Variants in ACBD6 observed in about 807,000 individuals in gnomAD.
ACBD6 encodes acyl-CoA-binding domain-containing protein 6.
In ACBD6, 28 loss-of-function variants were observed where a neutral mutation model predicts 37.2. The ratio of observed to expected loss-of-function variants is 0.75; its 90% confidence interval spans 0.56 to 1.03. The LOEUF (loss-of-function observed/expected upper bound fraction) is 1.03. ACBD6 is among the 50% of genes least tolerant of loss of function. ACBD6 has a pLI of 0.00. For synonymous variants in ACBD6, 113 were observed against 126.8 expected (o/e 0.89, Z 0.73); for missense variants, 340 against 337.4 (o/e 1.01, Z -0.06).
intron 3 of ACBD6, chr1:180,438,299 G>T (rs752405068): frequency 1.3e-5 from 2 of 152,842 alleles, no homozygotes; most frequent in African/African-American, 4.8e-5. Context: ...GGGGACTGCT[G>T]TGTTAGAGAA....
chr1:180,452,071 C>G (rs1044557567), intron 3 of ACBD6, among the ~76,000 whole-genome samples: 1 of 152,120 alleles, frequency 6.6e-6, no homozygotes, highest in African/African-American at 2.4e-5. Context: ...AAAGACACAA[C>G]GTACCAAAAT....
chr1:180,405,083 T>C (rs1647556287), intron 5 of ACBD6, among the ~76,000 whole-genome samples: 1 of 152,204 alleles, frequency 6.6e-6, no homozygotes. Context: ...CAAAATAATA[T>C]ATACCCTGAT....
At chr1:180,295,603 G>T (rs1275376518) in intron 7 of ACBD6, among the ~76,000 whole-genome samples, 1 of 151,114 alleles carries the variant, frequency 6.6e-6, no homozygotes, top group East Asian at 1.9e-4. Flanking sequence ...TGTTCATTTT[G>T]TGTCTCTGTG....
intron 1 of ACBD6, among the ~76,000 whole-genome samples, chr1:180,498,751 G>A (rs1006860560): frequency 1.3e-5 from 2 of 152,046 alleles, no homozygotes; most frequent in South Asian, 2.1e-4. Flanking sequence ...ACAGCTACTC[G>A]GGAAGCTGAG....
At chr1:180,312,581 T>C (rs1253613870) in intron 7 of ACBD6, among the ~76,000 whole-genome samples, 1 of 152,166 alleles carries the variant, frequency 6.6e-6, no homozygotes, top group Non-Finnish European at 1.5e-5. Context: ...AATACAGTAT[T>C]GAAGAGACAC....
At chr1:180,297,573 T>C (rs1448804677) in intron 7 of ACBD6, among the ~76,000 whole-genome samples, 2 of 152,154 alleles carry the variant, frequency 1.3e-5, no homozygotes, top group South Asian at 4.1e-4. Context: ...GCTGAGATCA[T>C]AGTTTTGGGT....
chr1:180,436,184 T>C (rs911396220), intron 3 of ACBD6, among the ~76,000 whole-genome samples: 4 of 152,174 alleles, frequency 2.6e-5, no homozygotes, highest in African/African-American at 9.7e-5. Context: ...CTTTGAGATA[T>C]CAGGTTTCTT....
intron 6 of ACBD6, among the ~76,000 whole-genome samples, chr1:180,329,857 G>A (rs1651410970): frequency 6.6e-6 from 1 of 152,120 alleles, no homozygotes; most frequent in Non-Finnish European, 1.5e-5. Flanking sequence ...CAAGTTAGAA[G>A]TAACTCTTTT....
intron 6 of ACBD6, among the ~76,000 whole-genome samples, chr1:180,354,287 G>C (rs745345345): frequency 7.9e-5 from 12 of 152,162 alleles, no homozygotes; most frequent in African/African-American, 2.7e-4. Context: ...ACAGCTCAGA[G>C]ATTTAACCCT....
In ACBD6 at chr1:180,502,159, G is replaced by C; in HGVS notation, c.108C>G (p.Ile36Met). Residue 36 changes from isoleucine (I) to methionine (M), a missense_variant, in exon 1 of 8, where the codon ATC becomes ATG. By Grantham distance (10) the Ile-to-Met change is conservative (BLOSUM62 1). Transcript: ENST00000367595. ...GCTCGGCCAGGCAACTGGTCTCCTC[G>C]ATCTCAGGGCTATGGGGGAACTCCA... Reference protein sequence around the residue: ...GEVEFPHSPEIEETSCLAELF... With the variant: ...GEVEFPHSPEMEETSCLAELF... The C allele has an allele frequency of 6.2e-7, 1 of 1,614,056 alleles. No homozygotes were observed. The highest frequency in any genetic ancestry group is 8.5e-7 in the Non-Finnish European group (1 of 1,180,012).
At chr1:180,463,423 A>AT (rs1650225216) in intron 3 of ACBD6, among the ~76,000 whole-genome samples, 1 of 152,224 alleles carries the variant, frequency 6.6e-6, no homozygotes, top group African/African-American at 2.4e-5. Context: ...AATATTACAA[A>AT]TACCTCTATG....
At chr1:180,331,067 AG>A (rs1651461358) in intron 6 of ACBD6, among the ~76,000 whole-genome samples, 1 of 152,212 alleles carries the variant, frequency 6.6e-6, no homozygotes, top group African/African-American at 2.4e-5. Context: ...CTCAGATATT[AG>A]GGGAAGAGAT....
chr1:180,322,228 G>A lies in ACBD6; in HGVS notation c.664-7506C>T, dbSNP rs1045652562. ...AATAAAACCAACTTGGTTATGATGAGTGATCTTTTTAATGTATCATTGAAT... is the reference window on the plus strand; with the variant it reads ...AATAAAACCAACTTGGTTATGATGAATGATCTTTTTAATGTATCATTGAAT... On this transcript the variant is annotated intron_variant, in intron 6 of 7. Transcript: ENST00000367595. Among the ~76,000 whole-genome samples, 5 of 152,106 alleles carry A rather than the reference G, an allele frequency of 3.3e-5. No homozygotes were observed. The South Asian group carries it at 1.0e-3, about 31-fold the overall frequency.
chr1:180,350,977 T>A (rs1311388808), intron 6 of ACBD6, among the ~76,000 whole-genome samples: 2 of 152,248 alleles, frequency 1.3e-5, no homozygotes, highest in Non-Finnish European at 1.5e-5. Context: ...ATGGAGTAAG[T>A]ATTTAATAAA....
intron 3 of ACBD6, among the ~76,000 whole-genome samples, chr1:180,466,457 A>G (rs565761735): frequency 1.3e-5 from 2 of 152,296 alleles, no homozygotes; most frequent in Non-Finnish European, 2.9e-5. Flanking sequence ...CACCAAACTA[A>G]TATTTACTGT....
chr1:180,386,786 T>C (rs1002784024), intron 6 of ACBD6, among the ~76,000 whole-genome samples: 2 of 151,736 alleles, frequency 1.3e-5, no homozygotes, highest in Non-Finnish European at 2.9e-5. Flanking sequence ...TCTTATTCCT[T>C]TGCTGAGATT....
intron 3 of ACBD6, among the ~76,000 whole-genome samples, chr1:180,437,611 A>G (rs547406064): frequency 1.2e-4 from 18 of 152,292 alleles, no homozygotes; most frequent in African/African-American, 4.3e-4. Context: ...ATGTAAAAAA[A>G]TCCTAAAGAT....
At chr1:180,270,073 G>A (rs1648547230) in exon 14 of ACBD6, 1 of 152,266 alleles carries the variant, frequency 6.6e-6, no homozygotes, top group Non-Finnish European at 1.5e-5. Context: ...GATCAGGGCA[G>A]GCCGTGTTGC....
intron 6 of ACBD6, among the ~76,000 whole-genome samples, chr1:180,349,159 A>T (rs1652303088): frequency 6.6e-6 from 1 of 152,002 alleles, no homozygotes; most frequent in Non-Finnish European, 1.5e-5. Context: ...TTTACTTATA[A>T]AAAAATAGAA....
Sources: allele counts gnomAD v4.1 joint callset (sites outside exome capture counted in the v4.1 genomes callset), GRCh38; gene constraint gnomAD v4.1.1; transcripts MANE v1.5; gene names NCBI Gene and HGNC (gene_info 2026-07-23, HGNC 2026-07-21).